TENM1: variants seen among roughly 807,000 people sequenced by gnomAD.
TENM1 encodes teneurin transmembrane protein 1, also known as teneurin-1.
In TENM1, 35 loss-of-function variants were observed where a neutral mutation model predicts 174.8. That is an observed-to-expected ratio of 0.20 (90% CI 0.15 to 0.27). The LOEUF is 0.27. Ranked by LOEUF, TENM1 falls within the 10% of genes least tolerant of loss-of-function variation. The pLI, the probability that TENM1 is intolerant of heterozygous loss-of-function variation, is 1.00. For missense variants in TENM1, 1,633 were observed against 2,130.1 expected (o/e 0.77, Z 4.59); for synonymous variants, 781 against 798.7 (o/e 0.98, Z 0.37).
chrX:124,571,369 G>C (rs1285714967), intron 11 of TENM1, among the ~76,000 whole-genome samples: 1 of 111,864 alleles, frequency 8.9e-6, no homozygotes, highest in East Asian at 2.8e-4. Flanking sequence ...TTTACAGCCT[G>C]AAATGCATGT....
intron 15 of TENM1, among the ~76,000 whole-genome samples, chrX:124,539,565 T>C (rs1438168915): frequency 8.9e-6 from 1 of 111,909 alleles, no homozygotes; most frequent in African/African-American, 3.2e-5. Flanking sequence ...CTTCCCCCAA[T>C]AGGGATTGTC....
the TENM1 span, among the ~76,000 whole-genome samples, chrX:125,025,473 T>G: frequency 1.8e-5 from 2 of 111,751 alleles, no homozygotes; most frequent in Non-Finnish European, 3.8e-5. Context: ...TAACATCTTT[T>G]TAGAATAGAA....
chrX:124,616,805 A>C (rs1167130500), intron 11 of TENM1, among the ~76,000 whole-genome samples: 5 of 112,007 alleles, frequency 4.5e-5, no homozygotes, highest in Non-Finnish European at 9.4e-5. Flanking sequence ...AAGACCTTAC[A>C]TAGAAAATTG....
intron 17 of TENM1, 60 bp from the exon 21 acceptor site, chrX:124,520,844 G>T: frequency 9.7e-7 from 1 of 1,033,652 alleles, no homozygotes. Flanking sequence ...GCAGGTAGAT[G>T]AGGATATTGC....
At position 124,569,116 on chromosome X, in the gene TENM1, T is replaced by C. The variant is rs765585894; in HGVS notation, c.2078-3556A>G. ...AAGAAGTTGAGGTGGGAGGATTGCT[T>C]GAGCCCAGGAGGTCGAGGCTGCAGT... On this transcript the variant is annotated intron_variant, in intron 11 of 31. Transcript: ENST00000422452. 4.1e-3 allele frequency among the ~76,000 whole-genome samples: 452 copies of C among 111,071 alleles called. 4 individuals are homozygous for C. Among genetic ancestry groups the C allele is most frequent in the Middle Eastern group, 9.2e-3 (2 of 218 alleles).
At chrX:124,943,950 C>G (rs1251198422) in intron 1 of TENM1, among the ~76,000 whole-genome samples, 1 of 111,444 alleles carries the variant, frequency 9.0e-6, no homozygotes, top group Non-Finnish European at 1.9e-5. Context: ...TAGGAAAAAC[C>G]TGCTGCTGAT....
At chrX:124,831,399 G>A (rs1304744805) in intron 3 of TENM1, among the ~76,000 whole-genome samples, 5 of 111,831 alleles carry the variant, frequency 4.5e-5, no homozygotes, top group Non-Finnish European at 7.5e-5. Context: ...TTGCAAATTT[G>A]GAAGCGGCTT....
chrX:124,956,922 T>C (rs144326516), intron 1 of TENM1, among the ~76,000 whole-genome samples: 1,465 of 112,330 alleles, frequency 0.013, 27 homozygotes, highest in African/African-American at 0.045. Context: ...CAAACAATCA[T>C]TTAAACTACT....
chrX:124,762,650 C>G (rs1409086127), intron 3 of TENM1, among the ~76,000 whole-genome samples: 1 of 111,583 alleles, frequency 9.0e-6, no homozygotes, highest in Non-Finnish European at 1.9e-5. Context: ...GTGCAAATAG[C>G]ATTCCATTTA....
At chrX:124,722,753 T>G (rs2053343195) in intron 4 of TENM1, among the ~76,000 whole-genome samples, 1 of 101,096 alleles carries the variant, frequency 9.9e-6, no homozygotes, top group African/African-American at 3.7e-5. Context: ...GGTAGGAGAA[T>G]GGCTTGAACC....
intron 3 of TENM1, among the ~76,000 whole-genome samples, chrX:124,881,735 GTTT>G (rs373202849): frequency 1.0e-5 from 1 of 96,742 alleles, no homozygotes; most frequent in Non-Finnish European, 2.1e-5. Context: ...GTTTTGTTTT[GTTT>G]TTTTTTTTTA....
intron 1 of TENM1, among the ~76,000 whole-genome samples, chrX:124,913,218 T>C (rs1342697850): frequency 9.0e-6 from 1 of 111,121 alleles, no homozygotes; most frequent in Non-Finnish European, 1.9e-5. Context: ...ATTTTACAAA[T>C]ATAAAGAAAA....
At chrX:125,035,172 C>T in the TENM1 span, among the ~76,000 whole-genome samples, 6 of 110,842 alleles carry the variant, frequency 5.4e-5, no homozygotes, top group African/African-American at 2.0e-4. Context: ...TTGGAAGTAT[C>T]GGGAAGTGAG....
intron 3 of TENM1, among the ~76,000 whole-genome samples, chrX:124,754,714 C>T (rs1226363728): frequency 3.0e-4 from 32 of 107,908 alleles, no homozygotes; most frequent in African/African-American, 1.1e-3. Context: ...TTTCAAAGAA[C>T]ATCTTTATTT....
the TENM1 span, among the ~76,000 whole-genome samples, chrX:125,072,351 G>A: frequency 2.0e-4 from 22 of 111,426 alleles, no homozygotes. Context: ...ATAAAAGCCA[G>A]AATAATATGG....
At chrX:124,701,203 CAAAGGA>C (rs2052767017) in intron 5 of TENM1, among the ~76,000 whole-genome samples, 1 of 111,177 alleles carries the variant, frequency 9.0e-6, no homozygotes, top group African/African-American at 3.3e-5. Flanking sequence ...AATCTCATGG[CAAAGGA>C]AAAGGATCAT....
chrX:125,152,142 C>A, the TENM1 span, among the ~76,000 whole-genome samples: 1 of 109,456 alleles, frequency 9.1e-6, no homozygotes, highest in Non-Finnish European at 1.9e-5. Flanking sequence ...GTAATCCCAG[C>A]TACTCGGGAG....
At chrX:124,454,692 G>A (rs780247516) in intron 22 of TENM1, among the ~76,000 whole-genome samples, 85 of 111,761 alleles carry the variant, frequency 7.6e-4, no homozygotes, top group African/African-American at 2.5e-3. Context: ...GTGAGATATC[G>A]GGCCTGGCCC....
At chrX:124,956,742 A>G (rs1346438453) in intron 1 of TENM1, among the ~76,000 whole-genome samples, 1 of 112,350 alleles carries the variant, frequency 8.9e-6, no homozygotes, top group Non-Finnish European at 1.9e-5. Flanking sequence ...CTCACAGCAG[A>G]CAATTCATTA....
Sources: gnomAD v4.1 joint callset for allele counts (sites outside exome capture counted in the v4.1 genomes callset) on GRCh38, gnomAD v4.1.1 for gene constraint, MANE v1.5 for transcripts, NCBI Gene and HGNC (gene_info 2026-07-23, HGNC 2026-07-21) for gene names.